The following ILRUN variants were observed in gnomAD, a reference collection of about 807,000 sequenced individuals.
The protein encoded by ILRUN is protein ILRUN.
Under a neutral mutation model 33.8 loss-of-function variants are expected in ILRUN, and 3 were observed. The ratio of observed to expected loss-of-function variants is 0.09; its 90% CI spans 0.04 to 0.23. The LOEUF is 0.23. Among genes scored for constraint, ILRUN ranks in the 10% least tolerant of loss-of-function variants. The probability of loss-of-function intolerance (pLI) is 1.00; values close to 1 mark genes in which losing one functional copy is unlikely to be tolerated. For missense variants in ILRUN, 210 were observed against 375.1 expected, an observed-to-expected ratio of 0.56 and a Z score of 3.64; for synonymous variants, 124 against 138.9, an observed-to-expected ratio of 0.89 and a Z score of 0.75.
At chr6:34,612,627 C>T (rs1313863980) in intron 3 of ILRUN, among the ~76,000 whole-genome samples, 2 of 152,120 alleles carry the variant, frequency 1.3e-5, no homozygotes, top group Admixed American at 6.6e-5. Context: ...ATAAAAGAGG[C>T]CAGGTACAGC....
At chr6:34,633,886 AGGGAG>A (rs1762299793) in intron 3 of ILRUN, among the ~76,000 whole-genome samples, 3 of 18,370 alleles carry the variant, frequency 1.6e-4, no homozygotes, top group African/African-American at 1.0e-3. Flanking sequence ...GGAGAGAGGG[AGGGAG>A]GGAGGGAGGG....
At chr6:34,661,089 C>T (rs1762876400) in intron 1 of ILRUN, among the ~76,000 whole-genome samples, 1 of 152,104 alleles carries the variant, frequency 6.6e-6, no homozygotes, top group East Asian at 1.9e-4. Flanking sequence ...AATTTTATTA[C>T]TTTTAAGAAC....
At chr6:34,693,292 T>C (rs907831401) in intron 1 of ILRUN, among the ~76,000 whole-genome samples, 5 of 152,328 alleles carry the variant, frequency 3.3e-5, no homozygotes, top group Non-Finnish European at 5.9e-5. Flanking sequence ...AGTTGAATTA[T>C]CACTTAACTG....
intron 3 of ILRUN, among the ~76,000 whole-genome samples, chr6:34,625,042 T>A (rs1385527827): frequency 6.6e-6 from 1 of 152,134 alleles, no homozygotes; most frequent in Non-Finnish European, 1.5e-5. Context: ...ACAAATAACA[T>A]AGTAACCTCT....
chr6:34,636,961 ATATC>A (rs1273807083), intron 3 of ILRUN, among the ~76,000 whole-genome samples: 2 of 152,188 alleles, frequency 1.3e-5, no homozygotes, highest in African/African-American at 2.4e-5. Context: ...GAAAACATAC[ATATC>A]TAATTTTTAA....
chr6:34,685,384 G>A (rs1763493984), intron 1 of ILRUN: 1 of 151,768 alleles, frequency 6.6e-6, no homozygotes, highest in East Asian at 1.9e-4. Flanking sequence ...GGAGTGCAGT[G>A]GCTATTCACA....
rs1761897180 is a variant in ILRUN, at chr6:34,616,588, GAAA to G, written c.512-9687_512-9685del. 7 of 1,567,916 alleles carry G rather than the reference GAAA, an allele frequency of 4.5e-6. No homozygotes were observed. The East Asian group carries it at 1.6e-4, about 35-fold the overall frequency. On this transcript the variant is annotated intron_variant, in intron 3 of 4. Transcript: ENST00000374023. The stretch of plus-strand genomic sequence containing the variant: ...TTCCTGCTGTGCCAGAAACCCTTAA[GAAA>G]AAGCGAAGGAATTTTGCAGAGCTGA...
chr6:34,676,998 T>TAAAAAAAAAA (rs3044899), intron 1 of ILRUN, among the ~76,000 whole-genome samples: 1 of 131,230 alleles, frequency 7.6e-6, no homozygotes. Context: ...ATGTCACAAT[T>TAAAAAAAAAA]AAAAAAAAAA....
At chr6:34,651,858 T>A (rs1447170692) in intron 2 of ILRUN, among the ~76,000 whole-genome samples, 1 of 149,036 alleles carries the variant, frequency 6.7e-6, no homozygotes, top group Non-Finnish European at 1.5e-5. Context: ...AGCGGCGCGA[T>A]CTTGGCTCAC....
At chr6:34,640,365 A>C (rs1762445103) in intron 3 of ILRUN, among the ~76,000 whole-genome samples, 3 of 152,112 alleles carry the variant, frequency 2.0e-5, no homozygotes. Flanking sequence ...AATACAGCAA[A>C]AATTCTTTCT....
intron 1 of ILRUN, among the ~76,000 whole-genome samples, chr6:34,678,074 G>C (rs1346685832): frequency 6.6e-6 from 1 of 151,784 alleles, no homozygotes; most frequent in Admixed American, 6.6e-5. Flanking sequence ...ATGGAGTCTT[G>C]CTTTGTCACC....
Position 34,614,950 on chromosome 6 carries a change from G to T in ILRUN, c.512-8046C>A, listed in dbSNP as rs1761850862. ...CCAGTATTCCTTAAGACAGTCAAGG[G>T]TCATGAAAAACACTGAAAGACTGAG... On this transcript the variant is annotated intron_variant, in intron 3 of 4. Transcript: ENST00000374023. 2.0e-5 allele frequency among the ~76,000 whole-genome samples: 3 copies of T among 152,094 alleles called. No homozygotes were observed. In the South Asian group the frequency reaches 6.2e-4, roughly 32 times the overall value.
intron 1 of ILRUN, among the ~76,000 whole-genome samples, chr6:34,689,687 T>TA (rs1277253986): frequency 2.6e-5 from 4 of 151,926 alleles, no homozygotes; most frequent in African/African-American, 7.3e-5. Flanking sequence ...GCAAAGAAGG[T>TA]AATACGTGAT....
rs1046483993 is a variant in ILRUN at position 34,588,343 on chromosome 6, C to T, written c.*2222G>A. ...GACCCACTGACGGTGGCCCATGAAG[C>T]CCCTGCTGGGAAACTGGGAAGGGGC... On this transcript the variant is annotated 3_prime_UTR_variant, in exon 5 of 5. Coordinates refer to ENST00000374023, the MANE Select transcript of ILRUN (RefSeq NM_024294.4). 5.0e-6 allele frequency: 2 copies of T among 397,684 alleles called. No individual in the cohort carries two copies. Among genetic ancestry groups the T allele is most frequent in the Non-Finnish European group, 8.9e-6 (2 of 225,976 alleles). The allele number at this position is 397,684 out of a possible 1,614,324, so 24.6% of individuals were successfully genotyped here.
intron 3 of ILRUN, among the ~76,000 whole-genome samples, chr6:34,614,426 A>AATG (rs1416185947): frequency 3.1e-5 from 3 of 97,496 alleles, no homozygotes; most frequent in African/African-American, 1.8e-4. Context: ...CATCTCAAAA[A>AATG]ATAATAAAAA....
chr6:34,665,927 T>C (rs372230551), intron 1 of ILRUN, among the ~76,000 whole-genome samples: 2 of 150,200 alleles, frequency 1.3e-5, no homozygotes, highest in African/African-American at 4.9e-5. Context: ...TGCTTCAAAG[T>C]ACCTTCAGTT....
In ILRUN at chr6:34,590,595, G is replaced by C. The variant is rs773294367; in HGVS notation, c.867C>G (p.Leu289=). ...NLSVVTYSKG[L]HGPYPFGQS is the part of the protein sequence containing the mutation. ...ACTGGCCGAAGGGGTAAGGCCCATG[G>C]AGCCCCTGGAAGAGAGTGAAGATAG... The change falls in exon 5 of 5, where the codon CTC becomes CTG. Residue 289 remains leucine (L), a synonymous_variant. Transcript: ENST00000374023. 3.1e-6 allele frequency: 5 copies of C among 1,609,210 alleles called. No homozygotes were observed. The highest frequency in any genetic ancestry group is 4.3e-6 in the Non-Finnish European group (5 of 1,175,696).
chr6:34,620,037 A>C (rs1761981492), intron 3 of ILRUN, among the ~76,000 whole-genome samples: 1 of 151,666 alleles, frequency 6.6e-6, no homozygotes, highest in Admixed American at 6.6e-5. Flanking sequence ...TAGTTATAAG[A>C]TTGTCTTAGA....
chr6:34,671,363 G>A (rs1763115077), intron 1 of ILRUN, among the ~76,000 whole-genome samples: 1 of 152,196 alleles, frequency 6.6e-6, no homozygotes, highest in Non-Finnish European at 1.5e-5. Context: ...TCAAGCCTGG[G>A]TGAGGATCAA....
Sources: allele counts gnomAD v4.1 joint callset (sites outside exome capture counted in the v4.1 genomes callset), GRCh38; gene constraint gnomAD v4.1.1; transcripts MANE v1.5; gene names NCBI Gene and HGNC (gene_info 2026-07-23, HGNC 2026-07-21).